The following GARS1 variants were observed in gnomAD, a reference collection of about 807,000 sequenced individuals.
GARS1 encodes the protein glycine--tRNA ligase.
A neutral mutation model predicts 86.4 loss-of-function variants in GARS1; 46 were observed. The observed-to-expected ratio is 0.53, with a 90% CI of 0.42 to 0.68. The LOEUF (loss-of-function observed/expected upper bound fraction) is 0.68. Ranked by LOEUF, GARS1 falls within the 30% of genes least tolerant of loss-of-function variation. GARS1 has a pLI of 0.00. For synonymous variants in GARS1, 342 were observed against 329.8 expected (o/e 1.04, Z -0.40); for missense variants, 797 against 915.6 (o/e 0.87, Z 1.67).
Position 30,599,923 on chromosome 7 carries a change from CACTT to C in GARS1, c.325-23_325-20del. ...ATTCCCACCCACCCCTCCACTCACT[CACTT>C]TTTATTTAATCTCTAACAGGAGCTG... On this transcript the variant is annotated intron_variant, in intron 2 of 16. Transcript: ENST00000389266. The C allele has an allele frequency of 7.1e-7, 1 of 1,408,958 alleles. No individual in the cohort carries two copies. Among genetic ancestry groups the C allele is most frequent in the South Asian group, 1.2e-5 (1 of 86,554 alleles). The allele number at this position is 1,408,958 out of a possible 1,614,324, so 87.3% of individuals were successfully genotyped here.
chr7:30,633,844 A>C lies in GARS1; in HGVS notation c.2204A>C (p.Glu735Ala), dbSNP rs777300960. The C allele has an allele frequency of 1.2e-6, 2 of 1,611,988 alleles. No individual in the cohort carries two copies. Among genetic ancestry groups the C allele is most frequent in the Admixed American group, 3.3e-5 (2 of 59,914 alleles). The change falls in exon 17 of 17, where the codon GAG (glutamate) becomes GCG (alanine). Residue 735 changes from glutamate (E) to alanine (A), a missense_variant. Glu to Ala is a moderately radical substitution (Grantham distance 107). This residue lies in a region of GARS1 where 598 missense variants were observed against 738.7 expected (regional missense o/e 0.81). Coordinates refer to ENST00000389266, the MANE Select transcript of GARS1 (RefSeq NM_002047.4). ...LFEGQETGKK[E>A]TIEE Reference sequence around the variant, plus strand: ...GAAGGGCAAGAGACTGGTAAAAAAGAGACAATCGAGGAATGAGGACAATTT... The same window carrying C: ...GAAGGGCAAGAGACTGGTAAAAAAGCGACAATCGAGGAATGAGGACAATTT...
chr7:30,595,833 A>C (rs1791235600), intron 1 of GARS1: 1 of 471,160 alleles, frequency 2.1e-6, no homozygotes, highest in Non-Finnish European at 4.4e-6. Flanking sequence ...GGCCGTTTGG[A>C]ACCAGTGAGC....
intron 6 of GARS1, among the ~76,000 whole-genome samples, chr7:30,605,740 A>G (rs936463911): frequency 6.6e-6 from 1 of 152,214 alleles, no homozygotes; most frequent in African/African-American, 2.4e-5. Context: ...ATTTTTCATT[A>G]TCTATCTCTA....
chr7:30,619,180 T>A (rs1258972702), intron 10 of GARS1, among the ~76,000 whole-genome samples: 1 of 152,172 alleles, frequency 6.6e-6, no homozygotes, highest in Non-Finnish European at 1.5e-5. Flanking sequence ...AGACTCATGC[T>A]CTTAACAGTT....
At chr7:30,623,338 T>G (rs1783057915) in intron 12 of GARS1, among the ~76,000 whole-genome samples, 1 of 152,142 alleles carries the variant, frequency 6.6e-6, no homozygotes, top group Non-Finnish European at 1.5e-5. Flanking sequence ...CTTCATGTAC[T>G]CAAGGGTGTA....
At chr7:30,623,774 A>G (rs900399502) in intron 12 of GARS1, among the ~76,000 whole-genome samples, 16 of 152,236 alleles carry the variant, frequency 1.1e-4, no homozygotes, top group African/African-American at 3.4e-4. Flanking sequence ...GACCCGTGAG[A>G]ATCAAATAGC....
intron 4 of GARS1, among the ~76,000 whole-genome samples, chr7:30,602,280 G>A (rs1340684892): frequency 2.0e-5 from 3 of 148,096 alleles, no homozygotes; most frequent in East Asian, 4.1e-4. Context: ...TAGTAGAGAC[G>A]GGGTTTCACC....
intron 8 of GARS1, among the ~76,000 whole-genome samples, chr7:30,614,950 T>C (rs1036180708): frequency 6.6e-6 from 1 of 152,158 alleles, no homozygotes; most frequent in Non-Finnish European, 1.5e-5. Context: ...CAATTTTACA[T>C]TACTCGTAAA....
rs537988099 is a variant in GARS1, at chr7:30,595,096, G to A, written c.175G>A (p.Gly59Arg). ...AASRSSMDGAGAEEVLAPLRL... is the reference protein window; with the variant it reads ...AASRSSMDGARAEEVLAPLRL... ...CTCCCGGAGCAGCATGGACGGCGCG[G>A]GGGCTGAGGAGGTGCTGGCACCTCT... Residue 59 changes from glycine to arginine, a missense_variant, in exon 1 of 17, where the codon GGG becomes AGG. Gly to Arg is a moderately radical substitution (Grantham distance 125). Transcript: ENST00000389266. The A allele has an allele frequency of 6.5e-6, 10 of 1,543,338 alleles. No individual in the cohort carries two copies. The East Asian group carries it at 2.2e-4, about 33-fold the overall frequency.
chr7:30,599,818 C>T (rs1222967931), intron 2 of GARS1, 129 bp from the exon 3 acceptor site: 2 of 639,426 alleles, frequency 3.1e-6, no homozygotes, highest in African/African-American at 3.7e-5. Flanking sequence ...TGTTTTTAAC[C>T]TATCAAAATC....
At chr7:30,630,872 C>G (rs1403030012) in intron 14 of GARS1, among the ~76,000 whole-genome samples, 1 of 152,132 alleles carries the variant, frequency 6.6e-6, no homozygotes, top group Non-Finnish European at 1.5e-5. Context: ...TTTAAGAAGG[C>G]TGTACTTTTT....
At chr7:30,628,744 T>G (rs1783180183) in intron 14 of GARS1, 75 bp downstream of exon 14, 1 of 890,646 alleles carries the variant, frequency 1.1e-6, no homozygotes, top group Non-Finnish European at 1.9e-6. Context: ...TGAAGTACAT[T>G]AATAAGACTC....
At chr7:30,600,329 T>C (rs1028897303) in intron 3 of GARS1, among the ~76,000 whole-genome samples, 1 of 152,212 alleles carries the variant, frequency 6.6e-6, no homozygotes, top group African/African-American at 2.4e-5. Flanking sequence ...ATGTACTCTT[T>C]TTAAAATGCA....
At position 30,594,964 on chromosome 7, in the gene GARS1, G is replaced by T. The variant is rs764698848; in HGVS notation, c.43G>T (p.Ala15Ser). 1 of 1,595,698 alleles carries T rather than the reference G, an allele frequency of 6.3e-7. No individual in the cohort carries two copies. Among genetic ancestry groups the T allele is most frequent in the South Asian group, 1.1e-5 (1 of 90,128 alleles). The change falls in exon 1 of 17, where the codon GCT becomes TCT. Residue 15 changes from alanine (A) to serine (S), a missense_variant. By Grantham distance (99) the Ala-to-Ser change is moderately conservative. Coordinates refer to ENST00000389266, the MANE Select transcript of GARS1 (RefSeq NM_002047.4). Reference protein sequence around the residue: ...RPVLLRGARAALLLLLPPRLL... With the variant: ...RPVLLRGARASLLLLLPPRLL... ...AGTGCTGCTTAGAGGTGCTCGCGCC[G>T]CTCTGCTGCTGCTGCTGCCGCCCCG...
chr7:30,607,011 A>G (rs1791498421), intron 6 of GARS1, among the ~76,000 whole-genome samples: 1 of 152,242 alleles, frequency 6.6e-6, no homozygotes, highest in Admixed American at 6.5e-5. Flanking sequence ...ATACGTTAAC[A>G]GTCTCAGAAT....
intron 3 of GARS1, among the ~76,000 whole-genome samples, chr7:30,600,508 A>G (rs1169637857): frequency 6.6e-6 from 1 of 152,216 alleles, no homozygotes; most frequent in Admixed American, 6.5e-5. Flanking sequence ...TGCCATATGA[A>G]GGTATATAGG....
intron 13 of GARS1, chr7:30,627,187 A>G: frequency 2.5e-6 from 1 of 399,506 alleles, no homozygotes. Flanking sequence ...TGCCAGTGGA[A>G]AGAGTGAGCA....
chr7:30,626,046 C>T (rs1245486113), intron 12 of GARS1, among the ~76,000 whole-genome samples, 188 bp from the exon 13 acceptor site: 1 of 152,136 alleles, frequency 6.6e-6, no homozygotes, highest in African/African-American at 2.4e-5. Context: ...TTTTTGGTGC[C>T]ATTGTTAGAC....
chr7:30,615,936 A>G lies in GARS1; in HGVS notation c.1072A>G (p.Ser358Gly). Reference protein sequence around the residue: ...MAEIEHFVDPSEKDHPKFQNV... With the variant: ...MAEIEHFVDPGEKDHPKFQNV... ...AGAAATTGAGCACTTTGTAGATCCC[A>G]GTGAGAAAGACCACCCCAAGTTCCA... The change falls in exon 9 of 17, where the codon AGT (serine) becomes GGT (glycine). Residue 358 changes from serine to glycine, a missense_variant. Physicochemically the swap from Ser to Gly is moderately conservative, Grantham distance 56 (BLOSUM62 0). This residue lies in a region of GARS1 where 598 missense variants were observed against 738.7 expected (regional missense o/e 0.81). Coordinates refer to ENST00000389266, the MANE Select transcript of GARS1 (RefSeq NM_002047.4). 6.2e-7 allele frequency: 1 copy of G among 1,614,222 alleles called. No homozygotes were observed.
Sources: allele counts gnomAD v4.1 joint callset (sites outside exome capture counted in the v4.1 genomes callset), GRCh38; gene constraint gnomAD v4.1.1; regional missense constraint gnomAD v4.1.1; transcripts MANE v1.5; gene names NCBI Gene and HGNC (gene_info 2026-07-23, HGNC 2026-07-21).